RBL1: variants seen among roughly 807,000 people sequenced by gnomAD.
RBL1 encodes the protein RB transcriptional corepressor like 1, also known as retinoblastoma-like protein 1.
Under a neutral mutation model 123.0 loss-of-function variants are expected in RBL1, and 82 were observed. The observed-to-expected ratio is 0.67, with a 90% confidence interval of 0.56 to 0.80. The LOEUF (loss-of-function observed/expected upper bound fraction) is 0.80, where lower values mean the gene tolerates loss of function less well. RBL1 is among the 30% of genes least tolerant of loss of function. The pLI is 0.00. For missense variants in RBL1, 1,171 were observed against 1,299.6 expected (o/e 0.90, Z 1.52); for synonymous variants, 405 against 441.3 (o/e 0.92, Z 1.03).
At chr20:37,070,490 A>G (rs1306462132) in intron 2 of RBL1, among the ~76,000 whole-genome samples, 1 of 151,982 alleles carries the variant, frequency 6.6e-6, no homozygotes, top group Non-Finnish European at 1.5e-5. Flanking sequence ...ATTTAAAAAA[A>G]AAAACATAAA....
chr20:37,023,253 C>G (rs2064371720), intron 16 of RBL1, among the ~76,000 whole-genome samples: 1 of 152,042 alleles, frequency 6.6e-6, no homozygotes, highest in South Asian at 2.1e-4. Flanking sequence ...TCCCGAGTAA[C>G]TGGGCTTACA....
intron 2 of RBL1, among the ~76,000 whole-genome samples, chr20:37,087,918 G>A (rs1011235839): frequency 6.6e-6 from 1 of 152,160 alleles, no homozygotes; most frequent in Admixed American, 6.6e-5. Context: ...AAGTATTTTG[G>A]GGTAAAAGGC....
rs770173287 is a variant in RBL1 at position 37,067,222 on chromosome 20, T to G, written c.556+11A>C. The G allele has an allele frequency of 1.3e-6, 2 of 1,593,452 alleles. No individual in the cohort carries two copies. The highest frequency in any genetic ancestry group is 1.7e-6 in the Non-Finnish European group (2 of 1,172,744). On this transcript the variant is annotated intron_variant, in intron 4 of 21. Coordinates refer to ENST00000373664, the MANE Select transcript of RBL1 (RefSeq NM_002895.5). The stretch of plus-strand genomic sequence containing the variant: ...AGTAGAAATGTAAGACCACTGAAAG[T>G]GTCATCTTACCCTTAGTATAAACAA...
At position 37,061,117 on chromosome 20, in the gene RBL1, A is replaced by C. The variant is rs1329462794; in HGVS notation, c.1236T>G (p.Leu412=). The C allele has an allele frequency of 1.1e-5, 17 of 1,605,972 alleles. No individual in the cohort carries two copies. The highest frequency in any genetic ancestry group is 1.2e-5 in the Non-Finnish European group (14 of 1,176,146). ...ATTGTACATACTCAAAAATATTTAT[A>C]AGTTGGTCACTTGGTGCATTTTTCA... ...AGLKNAPSDQ[L]INIFESCVRN... The change falls in exon 9 of 22, where the codon CTT becomes CTG. Residue 412 remains leucine (L), a synonymous_variant. Transcript: ENST00000373664.
Position 37,022,677 on chromosome 20 carries a change from G to C in RBL1, c.2532C>G (p.Leu844=), listed in dbSNP as rs377492197. The stretch of plus-strand genomic sequence containing the variant: ...TTGCCATGATATAAAAGGCACAAAG[G>C]AGGAGCTGATCCAAATGCCTGTCTT... ...LMKDRHLDQL[L]LCAFYIMAKV... The change falls in exon 17 of 22, where the codon CTC becomes CTG. Residue 844 remains leucine (L), a synonymous_variant. Coordinates refer to ENST00000373664, the MANE Select transcript of RBL1 (RefSeq NM_002895.5). The C allele has an allele frequency of 1.9e-4, 312 of 1,612,476 alleles. No individual in the cohort carries two copies. The highest frequency in any genetic ancestry group is 2.6e-4 in the Non-Finnish European group (303 of 1,179,260).
In RBL1 at chr20:37,067,083, A is replaced by G. The variant is rs1288045467; in HGVS notation, c.595T>C (p.Tyr199His). ...TCCAAGCAGCATAGAAGTAAATGAT[A>G]AGAGTTTACTAAGTCATCCCCAATC... The part of the protein sequence containing the change: ...RMIGDDLVNS[Y>H]HLLLCCLDLI... Residue 199 changes from tyrosine (Y) to histidine (H), a missense_variant, in exon 5 of 22, where the codon TAT (tyrosine) becomes CAT (histidine). Physicochemically the swap from Tyr to His is moderately conservative, Grantham distance 83. Coordinates refer to ENST00000373664, the MANE Select transcript of RBL1 (RefSeq NM_002895.5). The G allele has an allele frequency of 1.2e-6, 2 of 1,608,642 alleles. No homozygotes were observed.
At chr20:37,036,204 T>A (rs2064607856) in intron 14 of RBL1, among the ~76,000 whole-genome samples, 1 of 152,212 alleles carries the variant, frequency 6.6e-6, no homozygotes, top group Non-Finnish European at 1.5e-5. Context: ...ACATCTTTTC[T>A]ACATCTTTTT....
chr20:37,053,691 G>C (rs1469085184), intron 11 of RBL1, among the ~76,000 whole-genome samples: 1 of 152,128 alleles, frequency 6.6e-6, no homozygotes, highest in African/African-American at 2.4e-5. Context: ...GTTTATATCA[G>C]TTAGCCTATG....
intron 21 of RBL1, among the ~76,000 whole-genome samples, chr20:36,999,474 TCCTCTC>T (rs796228336): frequency 2.0e-4 from 28 of 142,472 alleles, no homozygotes; most frequent in East Asian, 1.7e-3. Flanking sequence ...TCCCTCTCCC[TCCTCTC>T]CCTCTCCCTC....
At chr20:37,089,393 G>A (rs2065610445) in intron 1 of RBL1, among the ~76,000 whole-genome samples, 1 of 149,532 alleles carries the variant, frequency 6.7e-6, no homozygotes, top group African/African-American at 2.5e-5. Flanking sequence ...GCTCATGTTT[G>A]TAATCCCAGT....
At chr20:37,020,819 G>T (rs972211718) in intron 17 of RBL1, 89 bp from the exon 18 acceptor site, 37 of 793,684 alleles carry the variant, frequency 4.7e-5, no homozygotes, top group Non-Finnish European at 7.0e-5. Context: ...GGCACTGAGA[G>T]CAACCTTGCA....
chr20:37,055,792 T>A, intron 10 of RBL1, 136 bp from the exon 11 acceptor site: 1 of 892,840 alleles, frequency 1.1e-6, no homozygotes, highest in Non-Finnish European at 1.6e-6. Flanking sequence ...CTCACGCCTG[T>A]AATCCTAGCA....
intron 8 of RBL1, among the ~76,000 whole-genome samples, 163 bp downstream of exon 8, chr20:37,061,921 A>T (rs969230821): frequency 6.6e-6 from 1 of 152,256 alleles, no homozygotes; most frequent in African/African-American, 2.4e-5. Context: ...AGGTAAAAAT[A>T]CTAAATGCCA....
At chr20:37,086,965 T>G (rs948176934) in intron 2 of RBL1, among the ~76,000 whole-genome samples, 1 of 152,202 alleles carries the variant, frequency 6.6e-6, no homozygotes, top group African/African-American at 2.4e-5. Flanking sequence ...TTATACAGTT[T>G]TCCATCAGGG....
At position 37,037,960 on chromosome 20, in the gene RBL1, C is replaced by T. The variant is rs540350627; in HGVS notation, c.1903+2193G>A. Among the ~76,000 whole-genome samples, 19 of 148,466 alleles carry T rather than the reference C, an allele frequency of 1.3e-4. No individual in the cohort carries two copies. In the South Asian group the frequency reaches 1.5e-3, roughly 12 times the overall value. On this transcript the variant is annotated intron_variant, in intron 14 of 21. Coordinates refer to ENST00000373664, the MANE Select transcript of RBL1 (RefSeq NM_002895.5). Reference sequence around the variant, plus strand: ...TCGGCCTCCCAAAGTGCTAGGATTACGGGTGTAAGCCACTGCGCCCGGCCA... The same window carrying T: ...TCGGCCTCCCAAAGTGCTAGGATTATGGGTGTAAGCCACTGCGCCCGGCCA...
intron 16 of RBL1, among the ~76,000 whole-genome samples, chr20:37,032,319 A>G (rs569121469): frequency 3.0e-4 from 46 of 152,298 alleles, no homozygotes; most frequent in African/African-American, 1.1e-3. Flanking sequence ...CAGTCACAAA[A>G]ACAAACAAAT....
At position 37,001,781 on chromosome 20, in the gene RBL1, A is replaced by G. The variant is rs528416977; in HGVS notation, c.3036+1921T>C. On this transcript the variant is annotated intron_variant, in intron 21 of 21. Transcript: ENST00000373664. The stretch of plus-strand genomic sequence containing the variant: ...AAAAGAAAAAAAATGGAAAAAAAAA[A>G]AAAAAGAAAAATAAGCTTCCCATTA... 1.6e-3 allele frequency among the ~76,000 whole-genome samples: 239 copies of G among 151,658 alleles called. 2 individuals carry two copies. The highest frequency in any genetic ancestry group is 5.1e-3 in the African/African-American group (211 of 41,470).
At position 37,090,639 on chromosome 20, in the gene RBL1, T is replaced by G. The variant is rs143011891; in HGVS notation, c.157-1517A>C. Among the ~76,000 whole-genome samples the G allele has an allele frequency of 1.3e-3, 191 of 152,328 alleles. 3 individuals carry two copies. Among genetic ancestry groups the G allele is most frequent in the Admixed American group, 9.2e-3 (140 of 15,288 alleles). On this transcript the variant is annotated intron_variant, in intron 1 of 21. Coordinates refer to ENST00000373664, the MANE Select transcript of RBL1 (RefSeq NM_002895.5). The stretch of plus-strand genomic sequence containing the variant: ...TTAAAATACAGTCATATGCATTGCT[T>G]AATGACAGGGATATATTCTGAGAAA...
At chr20:37,095,727 G>A (rs1195998222) in intron 1 of RBL1, 46 bp downstream of exon 1, 2 of 1,514,202 alleles carry the variant, frequency 1.3e-6, no homozygotes, top group African/African-American at 1.4e-5. Context: ...GCAGGGGTGG[G>A]GCCTGGCGAG....
Sources: gnomAD v4.1 joint callset for allele counts (sites outside exome capture counted in the v4.1 genomes callset) on GRCh38, gnomAD v4.1.1 for gene constraint, MANE v1.5 for transcripts, NCBI Gene and HGNC (gene_info 2026-07-23, HGNC 2026-07-21) for gene names.